Variants in GAK observed in about 807,000 individuals in gnomAD.
GAK encodes the protein cyclin G associated kinase.
Under a neutral mutation model 143.9 loss-of-function variants are expected in GAK, and 79 were observed. The ratio of observed to expected loss-of-function variants is 0.55; its 90% CI spans 0.46 to 0.66. The LOEUF is 0.66. GAK is among the 30% of genes least tolerant of loss of function. The probability of loss-of-function intolerance (pLI) is 0.00; values close to 1 mark genes in which losing one functional copy is unlikely to be tolerated. For synonymous variants in GAK, 881 were observed against 765.5 expected (o/e 1.15, Z -2.49); for missense variants, 1,693 against 1,779.7 (o/e 0.95, Z 0.88).
Position 896,561 on chromosome 4 carries a change from C to A in GAK, c.652-12G>T. 1 of 1,592,928 alleles carries A rather than the reference C, an allele frequency of 6.3e-7. No individual in the cohort carries two copies. Among genetic ancestry groups the A allele is most frequent in the Non-Finnish European group, 8.6e-7 (1 of 1,160,846 alleles). On this transcript the variant is annotated splice_polypyrimidine_tract_variant and intron_variant, in intron 6 of 27. Transcript: ENST00000314167. ...GTATTCCTCGTGATCTGAAAAAATA[C>A]AAACATTTCAAAGGAAAAGTTGCAT... is the stretch of plus-strand genomic sequence containing the variant.
chr4:924,853 T>C (rs1156499779), intron 1 of GAK, among the ~76,000 whole-genome samples: 2 of 136,178 alleles, frequency 1.5e-5, no homozygotes, highest in South Asian at 4.7e-4. Context: ...GCTCTCAGGA[T>C]AGTGAGTGCT....
At chr4:891,508 G>T (rs1192500574) in intron 9 of GAK, among the ~76,000 whole-genome samples, 1 of 152,170 alleles carries the variant, frequency 6.6e-6, no homozygotes, top group Non-Finnish European at 1.5e-5. Flanking sequence ...ATCATGGACT[G>T]TGTTTTCTGG....
chr4:891,608 G>A (rs915457859), intron 9 of GAK, among the ~76,000 whole-genome samples: 2 of 151,982 alleles, frequency 1.3e-5, no homozygotes, highest in Non-Finnish European at 2.9e-5. Context: ...TGAGGACCCC[G>A]CCCCATCACT....
intron 1 of GAK, among the ~76,000 whole-genome samples, chr4:925,048 C>G (rs1724498373): frequency 6.6e-6 from 1 of 152,064 alleles, no homozygotes; most frequent in Non-Finnish European, 1.5e-5. Flanking sequence ...GGCAACACAA[C>G]AAGACTCTAT....
chr4:876,789 C>T (rs978512540), intron 17 of GAK, among the ~76,000 whole-genome samples, 180 bp from the exon 18 acceptor site: 1 of 152,192 alleles, frequency 6.6e-6, no homozygotes, highest in East Asian at 1.9e-4. Context: ...GGCAGGTAAC[C>T]CTGAGGAGAA....
At chr4:881,760 C>T (rs1462744270) in intron 15 of GAK, 147 bp downstream of exon 15, 9 of 1,012,972 alleles carry the variant, frequency 8.9e-6, no homozygotes, top group Middle Eastern at 3.4e-4. Flanking sequence ...GCCCAGGGCT[C>T]AGCCATGGCT....
intron 23 of GAK, among the ~76,000 whole-genome samples, chr4:861,293 G>A (rs116194757): frequency 0.018 from 2,798 of 152,284 alleles, 77 homozygotes; most frequent in African/African-American, 0.063. Context: ...AGCAAGGCAC[G>A]TCAAAAGCAG....
chr4:903,176 G>A (rs1022670750), intron 5 of GAK, among the ~76,000 whole-genome samples: 7 of 151,922 alleles, frequency 4.6e-5, no homozygotes, highest in African/African-American at 9.7e-5. Context: ...GATGGAGCGC[G>A]AGCCCAGCCC....
At chr4:850,183 G>C in intron 26 of GAK, 115 bp from the exon 27 acceptor site, 1 of 1,046,184 alleles carries the variant, frequency 9.6e-7, no homozygotes, top group Non-Finnish European at 1.4e-6. Context: ...GGTGGGCTCA[G>C]CCCGGCTCAC....
At chr4:860,210 C>T (rs1750027364) in intron 23 of GAK, among the ~76,000 whole-genome samples, 1 of 151,788 alleles carries the variant, frequency 6.6e-6, no homozygotes, top group African/African-American at 2.4e-5. Context: ...GAGGATCGCT[C>T]CAGCCCAGGG....
chr4:896,403 C>A, intron 7 of GAK, 57 bp downstream of exon 7: 1 of 1,446,526 alleles, frequency 6.9e-7, no homozygotes, highest in Non-Finnish European at 9.7e-7. Flanking sequence ...CACGCCGCCT[C>A]AGGTTAAGTA....
At chr4:906,072 C>T (rs1179465945) in intron 4 of GAK, among the ~76,000 whole-genome samples, 1 of 152,234 alleles carries the variant, frequency 6.6e-6, no homozygotes, top group African/African-American at 2.4e-5. Context: ...ACATCGGCAT[C>T]CCAGCAGTTG....
intron 24 of GAK, among the ~76,000 whole-genome samples, chr4:854,741 C>T (rs1298243594): frequency 1.3e-5 from 2 of 152,182 alleles, no homozygotes; most frequent in African/African-American, 2.4e-5. Flanking sequence ...TTCATTTTTC[C>T]ATTACAAAAA....
chr4:897,902 T>A lies in GAK; in HGVS notation c.651+131A>T. The A allele has an allele frequency of 4.8e-6, 5 of 1,037,182 alleles. No individual in the cohort carries two copies. The African/African-American group carries it at 4.8e-5, about 10-fold the overall frequency. 64.2% of individuals were successfully genotyped at this position (1,037,182 alleles called of 1,614,324 possible). On this transcript the variant is annotated intron_variant, in intron 6 of 27. Transcript: ENST00000314167. ...AGGCGGAGGTTGCAGTGAGCCGGGA[T>A]TGCACCACTGCACTCCAGCCTGGTG...
At position 923,312 on chromosome 4, in the gene GAK, G is replaced by A. The variant is rs371475518; in HGVS notation, c.145+8731C>T. The stretch of plus-strand genomic sequence containing the variant: ...AGTAACGTATAAGACATTAAAGAAT[G>A]GCATGTCGGGTACCTCCAAGACCCT... On this transcript the variant is annotated intron_variant, in intron 1 of 27. Coordinates refer to ENST00000314167, the MANE Select transcript of GAK (RefSeq NM_005255.4). Among the ~76,000 whole-genome samples the A allele has an allele frequency of 4.6e-5, 7 of 152,062 alleles. No individual in the cohort carries two copies. In the South Asian group the frequency reaches 1.4e-3, roughly 31 times the overall value.
rs1473742113 is a variant in GAK, at chr4:849,934, C to G, written c.3792G>C (p.Lys1264Asn). 1 of 1,602,978 alleles carries G rather than the reference C, an allele frequency of 6.2e-7. No homozygotes were observed. Residue 1264 changes from lysine (K) to asparagine (N), a missense_variant, in exon 27 of 28, where the codon AAG becomes AAC. Transcript: ENST00000314167. ...CCAGCACCGCGCGGCGATAGTGCTTCTTCACTTGCTCCGGAGCCACCAGGT... is the reference window on the plus strand; with the variant it reads ...CCAGCACCGCGCGGCGATAGTGCTTGTTCACTTGCTCCGGAGCCACCAGGT... ...MADLVAPEQV[K>N]KHYRRAVLAV...
At chr4:892,044 T>C (rs1717777028) in intron 9 of GAK, among the ~76,000 whole-genome samples, 1 of 152,158 alleles carries the variant, frequency 6.6e-6, no homozygotes, top group African/African-American at 2.4e-5. Context: ...AGCACTTCCC[T>C]GCTCCCAGGT....
chr4:928,291 C>T (rs1355232030), intron 1 of GAK, among the ~76,000 whole-genome samples: 2 of 152,216 alleles, frequency 1.3e-5, no homozygotes, highest in East Asian at 1.9e-4. Flanking sequence ...CTCCTGACTT[C>T]GGGTGATCTG....
chr4:929,467 C>T (rs1353007592), intron 1 of GAK, among the ~76,000 whole-genome samples: 1 of 152,180 alleles, frequency 6.6e-6, no homozygotes, highest in Non-Finnish European at 1.5e-5. Flanking sequence ...TCAGAAGCAA[C>T]GGCACGCAGA....
Sources: gnomAD v4.1 joint callset for allele counts (sites outside exome capture counted in the v4.1 genomes callset) on GRCh38, gnomAD v4.1.1 for gene constraint, MANE v1.5 for transcripts, NCBI Gene and HGNC (gene_info 2026-07-23, HGNC 2026-07-21) for gene names.